The following TSPAN18 variants were observed in gnomAD, a reference collection of about 807,000 sequenced individuals.
TSPAN18 encodes the protein tetraspanin-18.
Under a neutral mutation model 27.3 loss-of-function variants are expected in TSPAN18, and 14 were observed. That is an observed-to-expected ratio of 0.51 (90% CI 0.34 to 0.80). The LOEUF (loss-of-function observed/expected upper bound fraction) is 0.80. Among genes scored for constraint, TSPAN18 ranks in the 30% least tolerant of loss-of-function variants. The pLI is 0.01. For synonymous variants in TSPAN18, 143 were observed against 136.5 expected (o/e 1.05, Z -0.33); for missense variants, 268 against 323.9 (o/e 0.83, Z 1.32).
intron 2 of TSPAN18, among the ~76,000 whole-genome samples, chr11:44,776,599 T>C (rs775638231): frequency 2.0e-5 from 3 of 152,114 alleles, no homozygotes; most frequent in Non-Finnish European, 4.4e-5. Context: ...TGCTCTGCCG[T>C]CCTTCTTCTG....
chr11:44,773,838 G>C (rs1229679699), intron 2 of TSPAN18, among the ~76,000 whole-genome samples: 1 of 152,176 alleles, frequency 6.6e-6, no homozygotes, highest in Non-Finnish European at 1.5e-5. Flanking sequence ...TAAGTATTTG[G>C]TTGCAGTTCG....
At chr11:44,790,425 ATG>A (rs777880237) in intron 2 of TSPAN18, among the ~76,000 whole-genome samples, 20 of 132,252 alleles carry the variant, frequency 1.5e-4, no homozygotes, top group East Asian at 1.1e-3. Flanking sequence ...ATGTGTGTGC[ATG>A]TGTGTGTACA....
intron 2 of TSPAN18, among the ~76,000 whole-genome samples, chr11:44,769,261 A>G (rs141089806): frequency 1.6e-3 from 239 of 152,318 alleles, no homozygotes; most frequent in African/African-American, 5.3e-3. Context: ...TGATCATGGT[A>G]TCTAAGTCCT....
chr11:44,921,376 C>T (rs1252227027), intron 8 of TSPAN18, among the ~76,000 whole-genome samples: 2 of 152,070 alleles, frequency 1.3e-5, no homozygotes, highest in Non-Finnish European at 2.9e-5. Context: ...GCTGGCTGCC[C>T]CCCACGATCC....
intron 1 of TSPAN18, among the ~76,000 whole-genome samples, chr11:44,740,925 G>A (rs1334213212): frequency 3.9e-5 from 6 of 152,130 alleles, no homozygotes; most frequent in African/African-American, 1.4e-4. Context: ...CTATAAACGT[G>A]CACCACCACA....
intron 1 of TSPAN18, among the ~76,000 whole-genome samples, chr11:44,731,633 T>TGTGA (rs139154582): frequency 1.9e-4 from 20 of 107,434 alleles, no homozygotes; most frequent in African/African-American, 4.9e-4. Flanking sequence ...TGTGTGTGTG[T>TGTGA]GAGAGAGAGA....
At chr11:44,861,654 G>T (rs1430547975) in intron 3 of TSPAN18, among the ~76,000 whole-genome samples, 4 of 151,960 alleles carry the variant, frequency 2.6e-5, no homozygotes, top group African/African-American at 9.7e-5. Context: ...CTGGTGTCAT[G>T]TTGGGAGTCG....
chr11:44,768,000 G>A (rs1855608540), intron 2 of TSPAN18, among the ~76,000 whole-genome samples: 1 of 152,122 alleles, frequency 6.6e-6, no homozygotes, highest in Non-Finnish European at 1.5e-5. Flanking sequence ...TTTTATTACT[G>A]TATCTTTATA....
At chr11:44,920,278 C>T (rs1215055250) in intron 8 of TSPAN18, among the ~76,000 whole-genome samples, 1 of 152,072 alleles carries the variant, frequency 6.6e-6, no homozygotes, top group African/African-American at 2.4e-5. Context: ...GTAGGAGTTT[C>T]CCGATGTTTC....
At chr11:44,866,147 C>T (rs1373704983) in intron 3 of TSPAN18, among the ~76,000 whole-genome samples, 1 of 152,240 alleles carries the variant, frequency 6.6e-6, no homozygotes, top group Non-Finnish European at 1.5e-5. Context: ...GGGCACAGGC[C>T]CAGGTCCAAG....
chr11:44,811,161 CACACACACACACA>C (rs1856706338), intron 2 of TSPAN18, among the ~76,000 whole-genome samples: 1 of 123,080 alleles, frequency 8.1e-6, no homozygotes, highest in African/African-American at 2.7e-5. Context: ...CACACACACA[CACACACACACACA>C]CCCCTGCCTG....
intron 1 of TSPAN18, 64 bp from the exon 2 acceptor site, chr11:44,764,362 G>A (rs543526199): frequency 6.6e-6 from 1 of 152,342 alleles, no homozygotes; most frequent in Non-Finnish European, 1.5e-5. Context: ...GCCACATGTG[G>A]ACTGAGGTGG....
chr11:44,866,023 G>C (rs1228922734), intron 3 of TSPAN18, among the ~76,000 whole-genome samples: 22 of 152,222 alleles, frequency 1.4e-4, no homozygotes, highest in Admixed American at 1.4e-3. Flanking sequence ...TTCTGTCACA[G>C]TGCCCCAGGG....
chr11:44,837,133 T>C (rs1590555702), intron 2 of TSPAN18, among the ~76,000 whole-genome samples: 1 of 152,382 alleles, frequency 6.6e-6, no homozygotes, highest in South Asian at 2.1e-4. Flanking sequence ...CTGATGGATC[T>C]GGGCAAAGTA....
chr11:44,757,747 T>C (rs1277214626), intron 1 of TSPAN18, among the ~76,000 whole-genome samples: 1 of 152,232 alleles, frequency 6.6e-6, no homozygotes, highest in Non-Finnish European at 1.5e-5. Context: ...TATTTTCATA[T>C]ATTTATTGAC....
In TSPAN18 at chr11:44,919,963, G is replaced by C. The variant is rs1565010738; in HGVS notation, c.579G>C (p.Glu193Asp). The C allele has an allele frequency of 1.3e-5, 21 of 1,613,972 alleles. No individual in the cohort carries two copies. The highest frequency in any genetic ancestry group is 1.7e-5 in the Non-Finnish European group (20 of 1,179,978). The change falls in exon 8 of 10, where the codon GAG (glutamate) becomes GAC (aspartate). Residue 193 changes from glutamate (E) to aspartate (D), a missense_variant. By Grantham distance (45) the Glu-to-Asp change is conservative. Transcript: ENST00000520358. ...SRDGVLLSRE[E>D]CLLGRSLFLN... ...ACGGGGTCCTGCTGAGCCGGGAGGAGTGCCTCCTGGGAAGGAGCCTATTCC... is the reference window on the plus strand; with the variant it reads ...ACGGGGTCCTGCTGAGCCGGGAGGACTGCCTCCTGGGAAGGAGCCTATTCC...
At chr11:44,820,005 C>T (rs549660480) in intron 2 of TSPAN18, among the ~76,000 whole-genome samples, 5 of 152,242 alleles carry the variant, frequency 3.3e-5, no homozygotes, top group South Asian at 2.1e-4. Context: ...GCACTAGCGC[C>T]GGCCAAGGAG....
chr11:44,743,874 G>A (rs1855008737), intron 1 of TSPAN18, among the ~76,000 whole-genome samples: 1 of 152,190 alleles, frequency 6.6e-6, no homozygotes, highest in African/African-American at 2.4e-5. Flanking sequence ...AACACCATCC[G>A]AGTACCCGGT....
chr11:44,805,876 C>G (rs1285258753), intron 2 of TSPAN18, among the ~76,000 whole-genome samples: 1 of 152,122 alleles, frequency 6.6e-6, no homozygotes, highest in African/African-American at 2.4e-5. Flanking sequence ...GTCTGTCTCT[C>G]TCTGCCTCCT....
Sources: gnomAD v4.1 joint callset for allele counts (sites outside exome capture counted in the v4.1 genomes callset) on GRCh38, gnomAD v4.1.1 for gene constraint, MANE v1.5 for transcripts, NCBI Gene and HGNC (gene_info 2026-07-23, HGNC 2026-07-21) for gene names.